NAV3: variants seen among roughly 807,000 people sequenced by gnomAD.
NAV3 encodes the protein neuron navigator 3, also known as pore membrane and/or filament interacting like protein 1.
A neutral mutation model predicts 244.7 loss-of-function variants in NAV3; 87 were observed. That is an observed-to-expected ratio of 0.36 (90% CI 0.30 to 0.42). NAV3 has a LOEUF of 0.42. Ranked by LOEUF, NAV3 falls within the 20% of genes least tolerant of loss-of-function variation. The pLI, the probability that NAV3 is intolerant of heterozygous loss-of-function variation, is 1.00. For synonymous variants in NAV3, 1,126 were observed against 1,042.2 expected (o/e 1.08, Z -1.55); for missense variants, 2,663 against 2,893.3 (o/e 0.92, Z 1.83).
Position 77,821,539 on chromosome 12 carries a change from C to T in NAV3, c.73-118780C>T, listed in dbSNP as rs566076782. The stretch of plus-strand genomic sequence containing the variant: ...GAAAATGTGCAGTATTCCAAGTGAT[C>T]CTATAAATCTTTCACAATTACAAGT... On this transcript the variant is annotated intron_variant, in intron 2 of 8. Coordinates refer to the NAV3 transcript ENST00000550042. 1.1e-4 allele frequency among the ~76,000 whole-genome samples: 16 copies of T among 152,192 alleles called. No homozygotes were observed. In the South Asian group the frequency reaches 2.9e-3, roughly 28 times the overall value.
At position 78,007,464 on chromosome 12, in the gene NAV3, A is replaced by G. The variant is rs1207423006; in HGVS notation, c.1907+19A>G. On this transcript the variant is annotated intron_variant, in intron 8 of 39. Coordinates refer to ENST00000397909, the MANE Select transcript of NAV3 (RefSeq NM_001024383.2). The stretch of plus-strand genomic sequence containing the variant: ...TTTACAGGTAAGGTGGCCTCTGTTT[A>G]TCCACAGTTGTAAATATATTTACAG... 2 of 1,604,298 alleles carry G rather than the reference A, an allele frequency of 1.2e-6. No homozygotes were observed. The highest frequency in any genetic ancestry group is 1.7e-5 in the Admixed American group (1 of 59,210).
intron 2 of NAV3, among the ~76,000 whole-genome samples, chr12:77,743,336 T>C (rs898055345): frequency 1.3e-5 from 2 of 151,932 alleles, no homozygotes; most frequent in Non-Finnish European, 2.9e-5. Context: ...TCAAAAGTTA[T>C]ATGAGGATTT....
At chr12:77,762,093 C>T (rs1869496435) in intron 2 of NAV3, among the ~76,000 whole-genome samples, 1 of 152,210 alleles carries the variant, frequency 6.6e-6, no homozygotes, top group African/African-American at 2.4e-5. Context: ...GCAGACTATG[C>T]AGCCATAAAA....
Position 78,081,428 on chromosome 12 carries a change from T to C in NAV3, c.2636+22313T>C, listed in dbSNP as rs546517562. ...CTCAGCATGGCTTGAGGGCCCTGGA[T>C]TGCAACCCTTTATAGCACGTGAATG... On this transcript the variant is annotated intron_variant, in intron 12 of 39. Transcript: ENST00000397909. 1.8e-4 allele frequency among the ~76,000 whole-genome samples: 27 copies of C among 152,274 alleles called. 1 individual carries two copies. The highest frequency in any genetic ancestry group is 5.5e-4 in the African/African-American group (23 of 41,558).
At position 78,058,756 on chromosome 12, in the gene NAV3, C is replaced by T. The variant is rs576140162; in HGVS notation, c.2517-240C>T. On this transcript the variant is annotated intron_variant, in intron 11 of 39. Coordinates refer to ENST00000397909, the MANE Select transcript of NAV3 (RefSeq NM_001024383.2). ...GTTCTATGGTAGGCTAGTTACTTGTCGCAGTAACTACTACTAGGAAATATT... is the reference window on the plus strand; with the variant it reads ...GTTCTATGGTAGGCTAGTTACTTGTTGCAGTAACTACTACTAGGAAATATT... Among the ~76,000 whole-genome samples, 23 of 151,958 alleles carry T rather than the reference C, an allele frequency of 1.5e-4. No homozygotes were observed. The South Asian group carries it at 3.3e-3, about 22-fold the overall frequency.
chr12:77,804,651 C>T (rs1043838636), intron 2 of NAV3, among the ~76,000 whole-genome samples: 8 of 151,538 alleles, frequency 5.3e-5, no homozygotes, highest in Admixed American at 6.6e-5. Flanking sequence ...CTTGGATATA[C>T]GGGCACTTTT....
At chr12:78,033,265 C>T (rs1024476924) in intron 9 of NAV3, among the ~76,000 whole-genome samples, 45 of 150,960 alleles carry the variant, frequency 3.0e-4, no homozygotes, top group Non-Finnish European at 6.2e-4. Context: ...TTATAAAGAT[C>T]AAGAAGATCA....
rs779235756 is a variant in NAV3, at chr12:78,177,285, T to C, written c.5269T>C (p.Ser1757Pro). 17 of 1,612,990 alleles carry C rather than the reference T, an allele frequency of 1.1e-5. No individual in the cohort carries two copies. The Admixed American group carries it at 2.8e-4, about 27-fold the overall frequency. Residue 1757 changes from serine to proline, a missense_variant, in exon 27 of 40, where the codon TCC becomes CCC. By Grantham distance (74) the Ser-to-Pro change is moderately conservative. Around this residue, in one of 6 missense-constraint regions of NAV3, gnomAD observed 193 missense variants for 200.7 expected, o/e 0.96. Transcript: ENST00000397909. ...PHNAGDCGSA[S>P]MKPSQSASAS... ...TAATGCTGGTGACTGTGGCTCAGCA[T>C]CCATGAAGCCCTCACAATCTGCTTC...
intron 22 of NAV3, among the ~76,000 whole-genome samples, chr12:78,149,524 A>G (rs1455601335): frequency 2.6e-5 from 4 of 152,126 alleles, no homozygotes; most frequent in African/African-American, 9.7e-5. Flanking sequence ...CATTTACTGA[A>G]TATCTTCCAC....
At chr12:78,151,717 A>T (rs912164298) in intron 22 of NAV3, among the ~76,000 whole-genome samples, 1 of 151,732 alleles carries the variant, frequency 6.6e-6, no homozygotes, top group African/African-American at 2.4e-5. Flanking sequence ...ATGAATCCAC[A>T]TATGTCAATC....
intron 2 of NAV3, among the ~76,000 whole-genome samples, chr12:77,712,553 T>C (rs895737955): frequency 2.6e-5 from 4 of 152,184 alleles, no homozygotes; most frequent in Admixed American, 2.6e-4. Context: ...ATAAGATAAA[T>C]GTTAGCCTGA....
At chr12:77,696,968 A>G (rs775039440) in intron 2 of NAV3, among the ~76,000 whole-genome samples, 6 of 152,110 alleles carry the variant, frequency 3.9e-5, no homozygotes, top group Non-Finnish European at 7.4e-5. Context: ...ATCTTTGGTG[A>G]TATAGTTGAA....
At chr12:77,745,224 G>A (rs1868475258) in intron 2 of NAV3, among the ~76,000 whole-genome samples, 1 of 151,968 alleles carries the variant, frequency 6.6e-6, no homozygotes, top group Non-Finnish European at 1.5e-5. Context: ...CTTTGTTAAT[G>A]GTAAGTATTG....
In NAV3 at chr12:77,662,217, A is replaced by ATATC. The variant is rs1011842257; in HGVS notation, c.72+89957_72+89960dup. ...ATATCTCACCTTATTATATATCTTC[A>ATATC]TATCTATCTGTCTATCTATCTATCT... On this transcript the variant is annotated intron_variant, in intron 2 of 8. Coordinates refer to the NAV3 transcript ENST00000550042. Among the ~76,000 whole-genome samples the ATATC allele has an allele frequency of 8.2e-3, 864 of 105,816 alleles. 5 individuals carry two copies. The highest frequency in any genetic ancestry group is 0.02 in the African/African-American group (594 of 29,268). 69.4% of individuals were successfully genotyped at this position (105,816 alleles called of 152,430 possible).
chr12:77,977,689 TACAC>T (rs35073855), intron 5 of NAV3, among the ~76,000 whole-genome samples: 22 of 142,028 alleles, frequency 1.5e-4, no homozygotes, highest in East Asian at 8.1e-4. Context: ...GATATATATA[TACAC>T]ACACACACAC....
chr12:77,767,514 G>A (rs1869836988), intron 2 of NAV3, among the ~76,000 whole-genome samples: 1 of 152,220 alleles, frequency 6.6e-6, no homozygotes, highest in Non-Finnish European at 1.5e-5. Context: ...GGGATGGAGT[G>A]GCAAGGGATG....
intron 2 of NAV3, among the ~76,000 whole-genome samples, chr12:77,609,404 A>G (rs1173491521): frequency 1.3e-5 from 2 of 152,098 alleles, no homozygotes; most frequent in Admixed American, 6.6e-5. Context: ...GAGACATCAA[A>G]TGTGGAACGG....
intron 29 of NAV3, among the ~76,000 whole-genome samples, chr12:78,180,185 A>T (rs1004219670): frequency 1.3e-5 from 2 of 152,086 alleles, no homozygotes; most frequent in Non-Finnish European, 2.9e-5. Flanking sequence ...TTTTTGAAAA[A>T]CATCTAAAGG....
chr12:77,940,487 T>C (rs1889764752), intron 2 of NAV3, 51 bp downstream of exon 2: 4 of 1,436,378 alleles, frequency 2.8e-6, no homozygotes, highest in Non-Finnish European at 3.9e-6. Context: ...TCCCATCTCT[T>C]TGGTAAAGCA....
Sources: gnomAD v4.1 joint callset for allele counts (sites outside exome capture counted in the v4.1 genomes callset) on GRCh38, gnomAD v4.1.1 for gene constraint, gnomAD v4.1.1 regional missense constraint, MANE v1.5 for transcripts, NCBI Gene and HGNC (gene_info 2026-07-23, HGNC 2026-07-21) for gene names.